CHAT: variants seen among roughly 807,000 people sequenced by gnomAD.
The protein encoded by CHAT is acetyl CoA:choline O-acetyltransferase.
CHAT carries 61 observed loss-of-function variants against 76.9 expected under a neutral mutation model. The ratio of observed to expected loss-of-function variants is 0.79; its 90% CI spans 0.65 to 0.98. The LOEUF is 0.98. CHAT is among the 50% of genes least tolerant of loss of function. CHAT has a pLI of 0.00. For synonymous variants in CHAT, 407 were observed against 397.4 expected, an observed-to-expected ratio of 1.02 and a Z score of -0.29; for missense variants, 946 against 986.9, an observed-to-expected ratio of 0.96 and a Z score of 0.56.
intron 13 of CHAT, among the ~76,000 whole-genome samples, chr10:49,658,062 T>G (rs1439562256): frequency 1.3e-5 from 2 of 152,222 alleles, no homozygotes; most frequent in African/African-American, 2.4e-5. Flanking sequence ...CAAACATTTT[T>G]GCTAATTAAA....
At chr10:49,634,710 GTTTTGT>G (rs887915216) in intron 7 of CHAT, among the ~76,000 whole-genome samples, 4 of 151,928 alleles carry the variant, frequency 2.6e-5, no homozygotes, top group Non-Finnish European at 4.4e-5. Context: ...GGTTTTTTTT[GTTTTGT>G]TTTTGTTTTT....
At chr10:49,621,384 T>A (rs112123054) in intron 4 of CHAT, among the ~76,000 whole-genome samples, 3,356 of 152,012 alleles carry the variant, frequency 0.022, 48 homozygotes, top group Middle Eastern at 0.088. Context: ...AGAAGGAAGG[T>A]GTGGACAGAT....
chr10:49,616,179 G>GGCA, intron 1 of CHAT: 1 of 1,332,702 alleles, frequency 7.5e-7, no homozygotes. Flanking sequence ...CAGGAACAAA[G>GGCA]GCAGCACTCT....
intron 1 of CHAT, chr10:49,615,872 C>G (rs1017862021): frequency 4.7e-6 from 3 of 633,950 alleles, no homozygotes; most frequent in African/African-American, 1.8e-5. Context: ...AGACCCGAGA[C>G]TGCCTAGGTC....
intron 7 of CHAT, among the ~76,000 whole-genome samples, chr10:49,634,245 G>A (rs1415832254): frequency 1.3e-5 from 2 of 152,212 alleles, no homozygotes; most frequent in Admixed American, 6.5e-5. Flanking sequence ...GTCTCCTGGG[G>A]CCTGGGCTTC....
At chr10:49,642,672 G>A (rs945118507) in intron 7 of CHAT, among the ~76,000 whole-genome samples, 5 of 152,350 alleles carry the variant, frequency 3.3e-5, no homozygotes, top group East Asian at 1.9e-4. Flanking sequence ...GGCATGCTGT[G>A]GGCTGCCTCA....
At chr10:49,628,998 C>A (rs188857495) in intron 7 of CHAT, among the ~76,000 whole-genome samples, 1 of 152,410 alleles carries the variant, frequency 6.6e-6, no homozygotes, top group East Asian at 1.9e-4. Flanking sequence ...GCACGCAGAG[C>A]TCAGCCCAGG....
chr10:49,667,117 G>A lies in CHAT; in HGVS notation c.*2071G>A, dbSNP rs1840355828. Reference sequence around the variant, plus strand: ...GAGGATTGGAGAGCATGTGTGTCAAGGACCTTGCTGGGTCAACAATTCATT... The same window carrying A: ...GAGGATTGGAGAGCATGTGTGTCAAAGACCTTGCTGGGTCAACAATTCATT... On this transcript the variant is annotated 3_prime_UTR_variant, in exon 15 of 15. Coordinates refer to ENST00000337653, the MANE Select transcript of CHAT (RefSeq NM_020549.5). Among the ~76,000 whole-genome samples the A allele has an allele frequency of 6.6e-6, 1 of 152,212 alleles. No individual in the cohort carries two copies. The highest frequency in any genetic ancestry group is 2.4e-5 in the African/African-American group (1 of 41,470).
At chr10:49,612,381 A>G (rs760203570), upstream of CHAT, 6 of 1,540,386 alleles carry the variant, frequency 3.9e-6, no homozygotes, top group African/African-American at 2.7e-5. Flanking sequence ...GCCTTGGGTC[A>G]AGGGGGCTGC....
At position 49,627,680 on chromosome 10, in the gene CHAT, A is replaced by G. The variant is rs766585447; in HGVS notation, c.1006A>G (p.Ile336Val). Reference protein sequence around the residue: ...EGDLFTQLRKIVKMASNEDER... With the variant: ...EGDLFTQLRKVVKMASNEDER... ...GGATCTGTTCACTCAGTTGAGAAAG[A>G]TAGTCAAAATGGCTTCCAACGAGGA... Residue 336 changes from isoleucine (I) to valine (V), a missense_variant, in exon 7 of 15, where the codon ATA (isoleucine) becomes GTA (valine). By Grantham distance (29) the Ile-to-Val change is conservative. Coordinates refer to ENST00000337653, the MANE Select transcript of CHAT (RefSeq NM_020549.5). The G allele has an allele frequency of 6.2e-7, 1 of 1,614,166 alleles. No individual in the cohort carries two copies. Among genetic ancestry groups the G allele is most frequent in the African/African-American group, 1.3e-5 (1 of 75,056 alleles).
chr10:49,649,442 A>C (rs931674263), intron 9 of CHAT, 66 bp from the exon 10 acceptor site: 25 of 1,611,290 alleles, frequency 1.6e-5, no homozygotes, highest in Middle Eastern at 1.7e-4. Context: ...TGCACAGAGC[A>C]AAGAAGAGAT....
intron 5 of CHAT, among the ~76,000 whole-genome samples, chr10:49,622,762 G>C (rs1372655060): frequency 6.6e-6 from 1 of 152,204 alleles, no homozygotes; most frequent in African/African-American, 2.4e-5. Flanking sequence ...GCTGGAAGGA[G>C]AGAGAGAGGC....
chr10:49,659,462 C>T (rs995331800), intron 13 of CHAT, among the ~76,000 whole-genome samples: 4 of 152,036 alleles, frequency 2.6e-5, no homozygotes, highest in Non-Finnish European at 4.4e-5. Context: ...AAGGAGATCA[C>T]AAATCAACAG....
At chr10:49,615,494 A>G (rs536536079) in intron 1 of CHAT, among the ~76,000 whole-genome samples, 1 of 152,296 alleles carries the variant, frequency 6.6e-6, no homozygotes, top group South Asian at 2.1e-4. Context: ...TCCTGGCAAC[A>G]ACCCTGCCAG....
intron 5 of CHAT, among the ~76,000 whole-genome samples, chr10:49,624,718 A>AGGATGGATGGAT: frequency 6.7e-6 from 1 of 148,326 alleles, no homozygotes; most frequent in African/African-American, 2.6e-5. Context: ...GAAGGAAGGA[A>AGGATGGATGGAT]GGATGGATGG....
intron 11 of CHAT, among the ~76,000 whole-genome samples, chr10:49,654,536 C>T (rs1019096977): frequency 6.6e-6 from 1 of 152,242 alleles, no homozygotes; most frequent in African/African-American, 2.4e-5. Context: ...GGGGAAGCAG[C>T]CACTGCTGCT....
At chr10:49,639,951 C>T (rs12266458) in intron 7 of CHAT, among the ~76,000 whole-genome samples, 17,735 of 152,136 alleles carry the variant, frequency 0.12, 1,458 homozygotes, top group East Asian at 0.44. Context: ...TCTCTCCTCC[C>T]TAGGTTCTGC....
intron 9 of CHAT, among the ~76,000 whole-genome samples, chr10:49,648,926 A>AGGGCC (rs1025299340): frequency 1.3e-5 from 2 of 152,184 alleles, no homozygotes; most frequent in Non-Finnish European, 2.9e-5. Flanking sequence ...ATCCTGAGTC[A>AGGGCC]GGGCCAGGCC....
rs769232976 is a variant in CHAT, at chr10:49,651,907, T to C, written c.1535T>C (p.Ile512Thr). ...LQRIVKNLDF[I>T]VYKFDNYGKT... ...AGAATAGTAAAGAACCTTGACTTCA[T>C]TGTCTATAAGTTTGACAACTATGGG... is the stretch of plus-strand genomic sequence containing the variant. The change falls in exon 11 of 15, where the codon ATT becomes ACT. Residue 512 changes from isoleucine (I) to threonine (T), a missense_variant. Physicochemically the swap from Ile to Thr is moderately conservative, Grantham distance 89 (BLOSUM62 -1). Transcript: ENST00000337653. 3 of 1,613,994 alleles carry C rather than the reference T, an allele frequency of 1.9e-6. No individual in the cohort carries two copies. The highest frequency in any genetic ancestry group is 3.3e-4 in the Middle Eastern group (2 of 6,062).
Sources: gnomAD v4.1 joint callset for allele counts (sites outside exome capture counted in the v4.1 genomes callset) on GRCh38, gnomAD v4.1.1 for gene constraint, MANE v1.5 for transcripts, NCBI Gene and HGNC (gene_info 2026-07-23, HGNC 2026-07-21) for gene names.